ZFPM2: variants seen among roughly 807,000 people sequenced by gnomAD.
ZFPM2 encodes the protein zinc finger protein, FOG family member 2, also known as zinc finger protein ZFPM2.
ZFPM2 carries 20 observed loss-of-function variants against 98.6 expected under a neutral mutation model. The ratio of observed to expected loss-of-function variants is 0.20; its 90% CI spans 0.14 to 0.29. The LOEUF (loss-of-function observed/expected upper bound fraction) is 0.29, where lower values mean the gene tolerates loss of function less well. Among genes scored for constraint, ZFPM2 ranks in the 10% least tolerant of loss-of-function variants. The pLI is 1.00. For synonymous variants in ZFPM2, 518 were observed against 502.7 expected, an observed-to-expected ratio of 1.03 and a Z score of -0.41; for missense variants, 1,310 against 1,388.6, an observed-to-expected ratio of 0.94 and a Z score of 0.90.
chr8:105,318,971 G>A lies in ZFPM2; in HGVS notation c.30G>A (p.Arg10=), dbSNP rs369783295. MSRRKQSKP[R]QIKRPLEDAI... ...CCCGGCGAAAGCAAAGCAAACCCCG[G>A]CAGATCAAACGTAAGTTTGCGCGCG... is the stretch of plus-strand genomic sequence containing the variant. The change falls in exon 1 of 8, where the codon CGG becomes CGA. Residue 10 remains arginine (R), a synonymous_variant. Transcript: ENST00000407775. The A allele has an allele frequency of 6.7e-7, 1 of 1,487,674 alleles. No individual in the cohort carries two copies. The highest frequency in any genetic ancestry group is 1.3e-5 in the South Asian group (1 of 78,216). 92.2% of individuals were successfully genotyped at this position (1,487,674 alleles called of 1,614,324 possible).
intron 4 of ZFPM2, among the ~76,000 whole-genome samples, chr8:105,584,053 T>A (rs1261640305): frequency 6.6e-6 from 1 of 152,236 alleles, no homozygotes; most frequent in African/African-American, 2.4e-5. Context: ...TTCTTTGGTT[T>A]TTTTTGGTAT....
intron 3 of ZFPM2, among the ~76,000 whole-genome samples, chr8:105,487,070 C>T (rs1335608448): frequency 6.6e-6 from 1 of 152,104 alleles, no homozygotes; most frequent in Non-Finnish European, 1.5e-5. Context: ...CTTCTTAATT[C>T]ACCTTCTAAG....
At chr8:105,643,891 C>A (rs559820124) in intron 5 of ZFPM2, among the ~76,000 whole-genome samples, 10 of 152,272 alleles carry the variant, frequency 6.6e-5, no homozygotes, top group African/African-American at 1.9e-4. Context: ...TAATGCAGAG[C>A]CAAATCTGAC....
At chr8:105,409,203 C>T (rs1016705854) in intron 1 of ZFPM2, among the ~76,000 whole-genome samples, 8 of 151,818 alleles carry the variant, frequency 5.3e-5, no homozygotes, top group African/African-American at 1.4e-4. Context: ...AGGTTTTGCT[C>T]TTCAGAAGAC....
At chr8:105,525,652 G>A (rs1814159495) in intron 3 of ZFPM2, among the ~76,000 whole-genome samples, 1 of 152,176 alleles carries the variant, frequency 6.6e-6, no homozygotes, top group Non-Finnish European at 1.5e-5. Context: ...TCCTCCGTAA[G>A]ATTAAATTGA....
chr8:105,570,021 A>C (rs1164556840), intron 4 of ZFPM2, among the ~76,000 whole-genome samples: 1 of 152,162 alleles, frequency 6.6e-6, no homozygotes, highest in Admixed American at 6.6e-5. Context: ...CTTAGGTTCT[A>C]GTAGTGCAAG....
chr8:105,628,146 A>C (rs1816693205), intron 4 of ZFPM2, among the ~76,000 whole-genome samples: 1 of 152,194 alleles, frequency 6.6e-6, no homozygotes, highest in South Asian at 2.1e-4. Flanking sequence ...CACCGTGCTG[A>C]TGTCCATTCT....
intron 5 of ZFPM2, among the ~76,000 whole-genome samples, chr8:105,660,964 G>A (rs371064348): frequency 5.3e-5 from 8 of 152,216 alleles, no homozygotes; most frequent in African/African-American, 1.4e-4. Context: ...TAAAGAAGCC[G>A]TCTATCCATC....
chr8:105,503,408 A>G lies in ZFPM2; in HGVS notation c.302-57955A>G, dbSNP rs147304610. 2.5e-3 allele frequency among the ~76,000 whole-genome samples: 376 copies of G among 152,348 alleles called. 3 individuals are homozygous for G. The highest frequency in any genetic ancestry group is 8.3e-3 in the African/African-American group (345 of 41,578). ...TTTACAGATCATATGCTGGTGAGCA[A>G]TAATAAAATTTGTTAACTATGTAGA... is the stretch of plus-strand genomic sequence containing the variant. On this transcript the variant is annotated intron_variant, in intron 3 of 7. Transcript: ENST00000407775.
chr8:105,496,199 G>T (rs531627313), intron 3 of ZFPM2, among the ~76,000 whole-genome samples: 3 of 152,058 alleles, frequency 2.0e-5, no homozygotes, highest in African/African-American at 4.8e-5. Context: ...AGGTGTAGGG[G>T]GAGTTCTCAC....
chr8:105,581,835 T>G (rs1293535412), intron 4 of ZFPM2, among the ~76,000 whole-genome samples: 1 of 152,224 alleles, frequency 6.6e-6, no homozygotes, highest in East Asian at 1.9e-4. Flanking sequence ...TGCTCTTTCT[T>G]GTGCCTGGCT....
intron 3 of ZFPM2, among the ~76,000 whole-genome samples, chr8:105,541,755 A>G (rs1261777324): frequency 6.6e-6 from 1 of 152,192 alleles, no homozygotes; most frequent in Admixed American, 6.6e-5. Context: ...AGCAGATTAA[A>G]TTCATTTCAG....
At chr8:105,482,184 G>A (rs1813133466) in intron 3 of ZFPM2, among the ~76,000 whole-genome samples, 2 of 152,092 alleles carry the variant, frequency 1.3e-5, no homozygotes, top group African/African-American at 2.4e-5. Flanking sequence ...ATGCCATCAA[G>A]TGCATGGAAG....
intron 3 of ZFPM2, among the ~76,000 whole-genome samples, chr8:105,542,492 G>T (rs1433736002): frequency 1.3e-5 from 2 of 152,114 alleles, no homozygotes; most frequent in Non-Finnish European, 2.9e-5. Context: ...AGTTTGAACT[G>T]CATGAGTTCC....
chr8:105,507,307 G>A (rs1813724299), intron 3 of ZFPM2, among the ~76,000 whole-genome samples: 1 of 152,144 alleles, frequency 6.6e-6, no homozygotes, highest in South Asian at 2.1e-4. Context: ...GAGTACTTGT[G>A]TCTATCATTT....
chr8:105,595,659 GA>G (rs1448335383), intron 4 of ZFPM2, among the ~76,000 whole-genome samples: 3 of 152,244 alleles, frequency 2.0e-5, no homozygotes, highest in African/African-American at 4.8e-5. Context: ...AAGGATTAAA[GA>G]AGGTAACAGG....
intron 5 of ZFPM2, among the ~76,000 whole-genome samples, chr8:105,674,670 G>C (rs1300940177): frequency 1.3e-5 from 2 of 152,102 alleles, no homozygotes; most frequent in Non-Finnish European, 2.9e-5. Context: ...GTTCAGCATT[G>C]GTGGATAGGA....
At chr8:105,408,613 C>T (rs531105080) in intron 1 of ZFPM2, among the ~76,000 whole-genome samples, 4 of 151,830 alleles carry the variant, frequency 2.6e-5, no homozygotes, top group South Asian at 2.1e-4. Flanking sequence ...GTGAAATTAG[C>T]GAATTTGTAT....
At chr8:105,731,483 T>C (rs1255885613) in intron 5 of ZFPM2, among the ~76,000 whole-genome samples, 1 of 151,698 alleles carries the variant, frequency 6.6e-6, no homozygotes, top group Non-Finnish European at 1.5e-5. Context: ...GTCTCTGGAT[T>C]GTGTTACATA....
Sources: allele counts gnomAD v4.1 joint callset (sites outside exome capture counted in the v4.1 genomes callset), GRCh38; gene constraint gnomAD v4.1.1; transcripts MANE v1.5; gene names NCBI Gene and HGNC (gene_info 2026-07-23, HGNC 2026-07-21).